ALK: variants seen among roughly 807,000 people sequenced by gnomAD.
ALK encodes ALK tyrosine kinase receptor.
In ALK, 74 loss-of-function variants were observed where a neutral mutation model predicts 163.1. The observed-to-expected ratio is 0.45, with a 90% CI of 0.38 to 0.55. The LOEUF (loss-of-function observed/expected upper bound fraction) is 0.55. Ranked by LOEUF, ALK falls within the 20% of genes least tolerant of loss-of-function variation. ALK has a pLI of 0.00. For synonymous variants in ALK, 960 were observed against 843.2 expected (o/e 1.14, Z -2.40); for missense variants, 2,063 against 2,105.3 (o/e 0.98, Z 0.39).
At chr2:29,277,350 G>A (rs1030943933) in intron 9 of ALK, among the ~76,000 whole-genome samples, 22 of 152,204 alleles carry the variant, frequency 1.4e-4, no homozygotes, top group African/African-American at 5.1e-4. Context: ...TTAGATGCTG[G>A]CTTGGTTATT....
At position 29,618,409 on chromosome 2, in the gene ALK, A is replaced by AT. The variant is rs373897220; in HGVS notation, c.952+76440dup. Among the ~76,000 whole-genome samples, 574 of 145,344 alleles carry AT rather than the reference A, an allele frequency of 3.9e-3. 3 individuals are homozygous for AT. The highest frequency in any genetic ancestry group is 7.1e-3 in the Middle Eastern group (2 of 280). On this transcript the variant is annotated intron_variant, in intron 3 of 28. Transcript: ENST00000389048. The stretch of plus-strand genomic sequence containing the variant: ...ACCTTCAAGTTGTCATCAGTTTGTC[A>AT]TTTTTTTTTTTTTGTTGACAAATTA...
chr2:29,480,673 C>A (rs1671640029), intron 4 of ALK, among the ~76,000 whole-genome samples: 1 of 151,242 alleles, frequency 6.6e-6, no homozygotes, highest in Non-Finnish European at 1.5e-5. Flanking sequence ...CAGTCAGACG[C>A]AGGGAGGAAA....
At chr2:29,259,969 T>C (rs903263183) in intron 11 of ALK, among the ~76,000 whole-genome samples, 1 of 152,134 alleles carries the variant, frequency 6.6e-6, no homozygotes, top group Non-Finnish European at 1.5e-5. Flanking sequence ...AATGACTTAT[T>C]AGAGAAGGAA....
intron 4 of ALK, among the ~76,000 whole-genome samples, chr2:29,468,491 C>A (rs1402745323): frequency 2.0e-5 from 3 of 151,906 alleles, no homozygotes; most frequent in African/African-American, 7.3e-5. Flanking sequence ...CGATATGAGC[C>A]CATAATAAGT....
At chr2:29,657,417 G>A (rs542931903) in intron 3 of ALK, among the ~76,000 whole-genome samples, 1 of 140,984 alleles carries the variant, frequency 7.1e-6, no homozygotes, top group African/African-American at 3.2e-5. Context: ...TCCTTGTTAA[G>A]ACTAAAGATG....
At chr2:29,299,563 T>C (rs1040862940) in intron 8 of ALK, among the ~76,000 whole-genome samples, 3 of 152,208 alleles carry the variant, frequency 2.0e-5, no homozygotes, top group African/African-American at 7.2e-5. Flanking sequence ...TTATCTCTTA[T>C]AGGGTTATAG....
At chr2:29,303,842 T>C (rs556278075) in intron 8 of ALK, among the ~76,000 whole-genome samples, 1 of 152,098 alleles carries the variant, frequency 6.6e-6, no homozygotes, top group Non-Finnish European at 1.5e-5. Context: ...TGAGTCCACA[T>C]GGACTTAAAG....
intron 4 of ALK, among the ~76,000 whole-genome samples, chr2:29,488,001 G>A (rs1671819039): frequency 6.6e-6 from 1 of 151,218 alleles, no homozygotes; most frequent in African/African-American, 2.4e-5. Flanking sequence ...TTTTTCTGTT[G>A]GACTCTTTTA....
intron 4 of ALK, among the ~76,000 whole-genome samples, chr2:29,390,945 G>A (rs756845498): frequency 6.6e-6 from 1 of 152,202 alleles, no homozygotes; most frequent in Non-Finnish European, 1.5e-5. Context: ...CTCTGAAGAG[G>A]ATCAGCTGTG....
chr2:29,530,816 A>G (rs1673101438), intron 4 of ALK, among the ~76,000 whole-genome samples: 1 of 152,220 alleles, frequency 6.6e-6, no homozygotes, highest in African/African-American at 2.4e-5. Flanking sequence ...GCCAGCCCAG[A>G]GAGGCATTTC....
intron 13 of ALK, among the ~76,000 whole-genome samples, chr2:29,238,877 C>A (rs191930671): frequency 2.0e-5 from 3 of 152,294 alleles, no homozygotes; most frequent in Admixed American, 2.0e-4. Flanking sequence ...AAAAAAGACG[C>A]GGTCCCGTGA....
chr2:29,878,794 T>C (rs1245395955), intron 1 of ALK, among the ~76,000 whole-genome samples: 4 of 152,102 alleles, frequency 2.6e-5, no homozygotes, highest in Admixed American at 1.3e-4. Context: ...CTGGAAAGCA[T>C]TGTAGTTGAC....
intron 4 of ALK, among the ~76,000 whole-genome samples, chr2:29,419,654 G>T (rs550312787): frequency 6.6e-6 from 1 of 151,610 alleles, no homozygotes; most frequent in East Asian, 1.9e-4. Flanking sequence ...AAGAAGTTTG[G>T]TTTTCATAAG....
At chr2:29,767,048 A>T (rs1680884537) in intron 1 of ALK, among the ~76,000 whole-genome samples, 2 of 152,210 alleles carry the variant, frequency 1.3e-5, no homozygotes, top group South Asian at 4.1e-4. Flanking sequence ...TGACAATGAC[A>T]TCTAGTTTTG....
intron 3 of ALK, among the ~76,000 whole-genome samples, chr2:29,691,277 A>C (rs1366374046): frequency 6.6e-6 from 1 of 152,206 alleles, no homozygotes; most frequent in Non-Finnish European, 1.5e-5. Flanking sequence ...TGACTGATCC[A>C]TGCTGTGTGA....
intron 1 of ALK, among the ~76,000 whole-genome samples, chr2:29,847,314 C>G (rs1230122211): frequency 6.6e-6 from 1 of 152,108 alleles, no homozygotes; most frequent in Non-Finnish European, 1.5e-5. Flanking sequence ...CCCAGGACCT[C>G]TGGACCTGGG....
chr2:29,628,097 C>A (rs1011002166), intron 3 of ALK, among the ~76,000 whole-genome samples: 2 of 152,118 alleles, frequency 1.3e-5, no homozygotes, highest in African/African-American at 2.4e-5. Context: ...ACAAGCCATC[C>A]CCAGCTATGT....
chr2:29,691,836 C>A (rs919656811), intron 3 of ALK, among the ~76,000 whole-genome samples: 3 of 152,134 alleles, frequency 2.0e-5, no homozygotes, highest in Admixed American at 6.5e-5. Context: ...AAAGCACAAA[C>A]TTTCAAAGTT....
chr2:29,920,301 G>T lies in ALK; in HGVS notation c.359C>A (p.Ala120Asp). The T allele has an allele frequency of 6.4e-7, 1 of 1,563,578 alleles. No individual in the cohort carries two copies. Among genetic ancestry groups the T allele is most frequent in the African/African-American group, 1.4e-5 (1 of 73,812 alleles). The change falls in exon 1 of 29, where the codon GCC becomes GAC. Residue 120 changes from alanine (A) to aspartate (D), a missense_variant. Around this residue, in one of 5 missense-constraint regions of ALK, gnomAD observed 987 missense variants for 939.5 expected, o/e 1.05. Coordinates refer to ENST00000389048, the MANE Select transcript of ALK (RefSeq NM_004304.5). The part of the protein sequence containing the change: ...WTAGSPAPAE[A>D]RTLSRVLKGG... ...CTTCAGCACCCTGGACAGCGTCCGGGCCTCTGCCGGGGCTGGTGAACCGGC... is the reference window on the plus strand; with the variant it reads ...CTTCAGCACCCTGGACAGCGTCCGGTCCTCTGCCGGGGCTGGTGAACCGGC...
Sources: allele counts gnomAD v4.1 joint callset (sites outside exome capture counted in the v4.1 genomes callset), GRCh38; gene constraint gnomAD v4.1.1; regional missense constraint gnomAD v4.1.1; transcripts MANE v1.5; gene names NCBI Gene and HGNC (gene_info 2026-07-23, HGNC 2026-07-21).